The following GRAMD1B variants were observed in gnomAD, a reference collection of about 807,000 sequenced individuals.
The protein encoded by GRAMD1B is protein Aster-B.
Under a neutral mutation model 99.7 loss-of-function variants are expected in GRAMD1B, and 37 were observed. The observed-to-expected ratio is 0.37, with a 90% CI of 0.29 to 0.49. GRAMD1B has a LOEUF of 0.49. Among genes scored for constraint, GRAMD1B ranks in the 20% least tolerant of loss-of-function variants. GRAMD1B has a pLI of 0.98. For synonymous variants in GRAMD1B, 427 were observed against 387.6 expected, an observed-to-expected ratio of 1.10 and a Z score of -1.19; for missense variants, 888 against 1,009.2, an observed-to-expected ratio of 0.88 and a Z score of 1.63.
At position 123,605,571 on chromosome 11, in the gene GRAMD1B, G is replaced by C. The variant is rs1658134326; in HGVS notation, c.1323+93G>C. 6.0e-6 allele frequency: 6 copies of C among 1,000,898 alleles called. No homozygotes were observed. In the South Asian group the frequency reaches 7.1e-5, roughly 12 times the overall value. 62.0% of individuals were successfully genotyped at this position (1,000,898 alleles called of 1,614,324 possible). Reference sequence around the variant, plus strand: ...GGGAACCCAATCTGGGGAGCAGGTAGAGAGGAGATTGGTTACATTGTTGTC... The same window carrying C: ...GGGAACCCAATCTGGGGAGCAGGTACAGAGGAGATTGGTTACATTGTTGTC... On this transcript the variant is annotated intron_variant, in intron 10 of 19. Coordinates refer to ENST00000635736, the MANE Select transcript of GRAMD1B (RefSeq NM_001387025.1).
intron 2 of GRAMD1B, among the ~76,000 whole-genome samples, chr11:123,576,349 G>T (rs1948711629): frequency 6.6e-6 from 1 of 152,178 alleles, no homozygotes; most frequent in Non-Finnish European, 1.5e-5. Flanking sequence ...CCCCGTGCAG[G>T]CTTTCCAATC....
intron 2 of GRAMD1B, among the ~76,000 whole-genome samples, chr11:123,576,688 A>G (rs1948748079): frequency 6.6e-6 from 1 of 152,246 alleles, no homozygotes; most frequent in South Asian, 2.1e-4. Context: ...CCCTGGGCAG[A>G]GGAAGCAGGA....
chr11:123,490,025 A>G, intron 2 of GRAMD1B, among the ~76,000 whole-genome samples: 1 of 152,182 alleles, frequency 6.6e-6, no homozygotes, highest in East Asian at 1.9e-4. Context: ...AAAAATAGCT[A>G]CTGCACTCCA....
At chr11:123,571,360 G>T (rs949349231) in intron 2 of GRAMD1B, among the ~76,000 whole-genome samples, 20 of 152,294 alleles carry the variant, frequency 1.3e-4, no homozygotes, top group South Asian at 2.1e-4. Flanking sequence ...GGGGGTGAGG[G>T]TGGGGGCAGG....
intron 2 of GRAMD1B, among the ~76,000 whole-genome samples, chr11:123,488,857 C>T (rs1938191185): frequency 6.6e-6 from 1 of 152,158 alleles, no homozygotes; most frequent in Admixed American, 6.5e-5. Context: ...GGCTCCATGT[C>T]CATGGTGCAC....
chr11:123,538,557 C>T (rs947122786), intron 2 of GRAMD1B, among the ~76,000 whole-genome samples: 2 of 152,164 alleles, frequency 1.3e-5, no homozygotes, highest in African/African-American at 2.4e-5. Flanking sequence ...CCTCACCCCT[C>T]GGCCCAGCTC....
intron 1 of GRAMD1B, among the ~76,000 whole-genome samples, chr11:123,397,997 T>C (rs1368246809): frequency 6.6e-6 from 1 of 152,218 alleles, no homozygotes; most frequent in Admixed American, 6.5e-5. Flanking sequence ...GACGGACTTT[T>C]GGATTTTTTC....
chr11:123,439,835 T>G (rs998660057), intron 1 of GRAMD1B, among the ~76,000 whole-genome samples: 1 of 152,198 alleles, frequency 6.6e-6, no homozygotes, highest in African/African-American at 2.4e-5. Flanking sequence ...CCACCCAGCC[T>G]GGTGCCTCTT....
At chr11:123,598,312 T>C (rs1951537033) in intron 7 of GRAMD1B, 9 of 1,249,568 alleles carry the variant, frequency 7.2e-6, no homozygotes, top group Admixed American at 3.4e-5. Flanking sequence ...GGCAGGTTTT[T>C]GGGGTTGTAA....
chr11:123,456,350 G>A (rs906659321), intron 1 of GRAMD1B, among the ~76,000 whole-genome samples: 1 of 149,974 alleles, frequency 6.7e-6, no homozygotes, highest in Non-Finnish European at 1.5e-5. Context: ...TCTAAGGGCA[G>A]CATTGGTGTT....
chr11:123,421,339 G>C (rs998786681), intron 1 of GRAMD1B, among the ~76,000 whole-genome samples: 3 of 152,230 alleles, frequency 2.0e-5, no homozygotes, highest in African/African-American at 7.2e-5. Context: ...AACAAATGCA[G>C]ACTGACTGTT....
intron 2 of GRAMD1B, among the ~76,000 whole-genome samples, chr11:123,543,868 C>T (rs1353634890): frequency 1.3e-5 from 2 of 152,228 alleles, no homozygotes; most frequent in Non-Finnish European, 2.9e-5. Context: ...TTGTCTGTGA[C>T]TGCTCTTGCC....
At chr11:123,425,448 T>G (rs112916894), upstream of GRAMD1B, among the ~76,000 whole-genome samples, 742 of 152,318 alleles carry the variant, frequency 4.9e-3, 6 homozygotes, top group African/African-American at 0.016. Context: ...GTATCCTTGG[T>G]GTCAAGTACA....
intron 1 of GRAMD1B, among the ~76,000 whole-genome samples, chr11:123,480,135 T>C (rs1181050739): frequency 1.3e-5 from 2 of 152,236 alleles, no homozygotes; most frequent in Non-Finnish European, 2.9e-5. Context: ...TATTATAAGA[T>C]ATGACCTCCC....
At chr11:123,508,015 G>A (rs1473404929) in intron 2 of GRAMD1B, among the ~76,000 whole-genome samples, 3 of 152,206 alleles carry the variant, frequency 2.0e-5, no homozygotes, top group Non-Finnish European at 4.4e-5. Context: ...TCTCAGTTTA[G>A]TTATCTTTAA....
Position 123,602,615 on chromosome 11 carries a change from C to G in GRAMD1B, c.1051-811C>G, listed in dbSNP as rs112962411. 4.2e-4 allele frequency among the ~76,000 whole-genome samples: 64 copies of G among 152,246 alleles called. No homozygotes were observed. In the South Asian group the frequency reaches 0.012, roughly 28 times the overall value. ...GCCACCTTCTCCCCTTCCTCCCAGTCTGAGACTCATTCATGGTCTCTGCCT... is the reference window on the plus strand; with the variant it reads ...GCCACCTTCTCCCCTTCCTCCCAGTGTGAGACTCATTCATGGTCTCTGCCT... On this transcript the variant is annotated intron_variant, in intron 8 of 19. Coordinates refer to ENST00000635736, the MANE Select transcript of GRAMD1B (RefSeq NM_001387025.1).
In GRAMD1B at chr11:123,510,913, G is replaced by A. The variant is rs1298032938; in HGVS notation, c.452+30020G>A. 6.6e-6 allele frequency among the ~76,000 whole-genome samples: 1 copy of A among 152,194 alleles called. No homozygotes were observed. Among genetic ancestry groups the A allele is most frequent in the Admixed American group, 6.5e-5 (1 of 15,282 alleles). On this transcript the variant is annotated intron_variant, in intron 2 of 19. Transcript: ENST00000635736. This position sits in a 1 kb window ranked among gnomAD's most constrained non-coding sequence, Gnocchi z 4.3. ...CAAAGCACATGCCCCACCTTGGTGT[G>A]CTTGGAAGTCGGAGTGGGTGGATGA...
intron 1 of GRAMD1B, among the ~76,000 whole-genome samples, chr11:123,454,096 A>G (rs1040376250): frequency 5.9e-5 from 9 of 152,218 alleles, no homozygotes; most frequent in African/African-American, 1.7e-4. Flanking sequence ...TCCATGGAGT[A>G]AAATTCCAGA....
At chr11:123,601,820 A>G (rs1148093) in intron 8 of GRAMD1B, among the ~76,000 whole-genome samples, 75,500 of 152,074 alleles carry the variant, frequency 0.5, 18,928 homozygotes, top group East Asian at 0.72. Context: ...AGTAAGACAC[A>G]GGGTCATTCA....
Sources: allele counts gnomAD v4.1 joint callset (sites outside exome capture counted in the v4.1 genomes callset), GRCh38; gene constraint gnomAD v4.1.1; non-coding constraint Gnocchi (gnomAD v3.1); transcripts MANE v1.5; gene names NCBI Gene and HGNC (gene_info 2026-07-23, HGNC 2026-07-21).